The following TMX2 variants were observed in gnomAD, a reference collection of about 807,000 sequenced individuals.
TMX2 encodes thioredoxin related transmembrane protein 2, also known as thioredoxin-related transmembrane protein 2.
Under a neutral mutation model 33.4 loss-of-function variants are expected in TMX2, and 20 were observed. That is an observed-to-expected ratio of 0.60 (90% confidence interval 0.42 to 0.87). TMX2 has a LOEUF of 0.87. Ranked by LOEUF, TMX2 falls within the 40% of genes least tolerant of loss-of-function variation. The probability of loss-of-function intolerance (pLI) is 0.00; values close to 1 mark genes in which losing one functional copy is unlikely to be tolerated. For missense variants in TMX2, 340 were observed against 370.7 expected (o/e 0.92, Z 0.68); for synonymous variants, 166 against 140.7 (o/e 1.18, Z -1.27).
At chr11:57,731,467 A>G (rs928853292) in intron 1 of TMX2, among the ~76,000 whole-genome samples, 7 of 149,076 alleles carry the variant, frequency 4.7e-5, no homozygotes, top group African/African-American at 1.7e-4. Context: ...TGAGACCAAA[A>G]AAATTAAATC....
At chr11:57,714,016 T>C (rs952012465) in intron 1 of TMX2, among the ~76,000 whole-genome samples, 2 of 152,222 alleles carry the variant, frequency 1.3e-5, no homozygotes, top group Non-Finnish European at 2.9e-5. Context: ...AAGGTAGTTA[T>C]CAGAGTAAAG....
intron 1 of TMX2, among the ~76,000 whole-genome samples, chr11:57,716,546 G>T (rs1342505630): frequency 8.0e-6 from 1 of 125,330 alleles, no homozygotes; most frequent in Non-Finnish European, 1.7e-5. Flanking sequence ...CCTCCCGGAC[G>T]GGGCGGCTGG....
chr11:57,715,586 C>CTTTTTTTTTTTTTTTTTTTTTTTTT (rs367827761), intron 1 of TMX2, among the ~76,000 whole-genome samples: 5 of 130,116 alleles, frequency 3.8e-5, no homozygotes, highest in African/African-American at 1.2e-4. Context: ...AATTTGTTTT[C>CTTTTTTTTTTTTTTTTTTTTTTTTT]TTTTTTTTTT....
At chr11:57,716,527 C>T (rs1299538658) in intron 1 of TMX2, among the ~76,000 whole-genome samples, 16 of 123,154 alleles carry the variant, frequency 1.3e-4, no homozygotes, top group African/African-American at 2.2e-4. Context: ...CGGGCAGAGG[C>T]GCCCCTCACC....
intron 7 of TMX2, among the ~76,000 whole-genome samples, chr11:57,739,507 C>T (rs1388369213): frequency 6.6e-6 from 1 of 152,190 alleles, no homozygotes. Flanking sequence ...CCTGTAATCC[C>T]AGCACTTTGG....
At position 57,738,373 on chromosome 11, in the gene TMX2, A is replaced by C. The variant is rs752381182; in HGVS notation, c.384A>C (p.Lys128Asn). The C allele has an allele frequency of 6.2e-6, 10 of 1,609,532 alleles. No individual in the cohort carries two copies. The highest frequency in any genetic ancestry group is 8.5e-6 in the Non-Finnish European group (10 of 1,176,996). The part of the protein sequence containing the change: ...TLCIVFLMTC[K>N]PPLYMGPEYI... ...ATTTAGTGTTCCTGATGACGTGCAA[A>C]CCCCCCCTATATATGGGCCCTGAGT... Residue 128 changes from lysine (K) to asparagine (N), a missense_variant, in exon 4 of 8, where the codon AAA (lysine) becomes AAC (asparagine). By Grantham distance (94) the Lys-to-Asn change is moderately conservative. Transcript: ENST00000278422.
intron 1 of TMX2, among the ~76,000 whole-genome samples, chr11:57,720,670 T>C (rs771408714): frequency 6.6e-6 from 1 of 152,266 alleles, no homozygotes; most frequent in Non-Finnish European, 1.5e-5. Flanking sequence ...AGTGCTGGGA[T>C]TACAGGCGTG....
At chr11:57,734,157 C>CAAAAAAAAA (rs60802364) in intron 1 of TMX2, among the ~76,000 whole-genome samples, 1 of 49,738 alleles carries the variant, frequency 2.0e-5, no homozygotes, top group African/African-American at 6.1e-5. Context: ...ACCCTGTCTC[C>CAAAAAAAAA]AAAAAAAAAA....
intron 4 of TMX2, 77 bp downstream of exon 4, chr11:57,738,507 G>A (rs1565235014): frequency 7.8e-7 from 1 of 1,289,188 alleles, no homozygotes; most frequent in South Asian, 1.2e-5. Flanking sequence ...TTCACTAGGA[G>A]GAACAACAGT....
intron 1 of TMX2, among the ~76,000 whole-genome samples, chr11:57,713,358 T>C (rs1946758454): frequency 6.6e-6 from 1 of 152,140 alleles, no homozygotes; most frequent in Admixed American, 6.6e-5. Context: ...GAGTGTACAC[T>C]CTAGGCACTC....
chr11:57,739,672 G>A (rs536673), intron 7 of TMX2, among the ~76,000 whole-genome samples: 41,623 of 151,822 alleles, frequency 0.27, 6,799 homozygotes, highest in East Asian at 0.79. Flanking sequence ...CAGGAGAATC[G>A]CTTGAACCCG....
intron 1 of TMX2, among the ~76,000 whole-genome samples, chr11:57,736,412 C>G (rs369401237): frequency 1.3e-5 from 2 of 151,598 alleles, no homozygotes; most frequent in African/African-American, 4.9e-5. Context: ...GGACCCCATT[C>G]AAAGCCATCC....
intron 1 of TMX2, among the ~76,000 whole-genome samples, chr11:57,735,434 C>T (rs916986671): frequency 1.3e-5 from 2 of 152,042 alleles, no homozygotes; most frequent in Non-Finnish European, 2.9e-5. Context: ...TGGTCTTGAA[C>T]TTCTAATCTC....
chr11:57,737,755 T>G (rs1443927683), intron 2 of TMX2, 87 bp downstream of exon 2: 1 of 1,566,000 alleles, frequency 6.4e-7, no homozygotes, highest in African/African-American at 1.4e-5. Context: ...TGGCAATCAT[T>G]TGGTAAATTT....
chr11:57,737,923 G>A lies in TMX2; in HGVS notation c.261G>A (p.Glu87=), dbSNP rs1948851369. The change falls in exon 3 of 8, where the codon GAG becomes GAA. Residue 87 remains glutamate, a synonymous_variant. Coordinates refer to ENST00000278422, the MANE Select transcript of TMX2 (RefSeq NM_015959.4). ...MMKNRRSITV[E]QHIGNIFMFS... The stretch of plus-strand genomic sequence containing the variant: ...ATCTCTGTGTTTCAGTCACTGTGGA[G>A]CAACATATAGGCAACATTTTCATGT... 6.2e-7 allele frequency: 1 copy of A among 1,614,012 alleles called. No individual in the cohort carries two copies. Among genetic ancestry groups the A allele is most frequent in the Non-Finnish European group, 8.5e-7 (1 of 1,180,006 alleles).
chr11:57,721,350 T>G lies in TMX2; in HGVS notation c.189+8543T>G, dbSNP rs978690009. Among the ~76,000 whole-genome samples, 705 of 148,824 alleles carry G rather than the reference T, an allele frequency of 4.7e-3. 4 individuals are homozygous for G. The highest frequency in any genetic ancestry group is 0.016 in the African/African-American group (673 of 40,816). On this transcript the variant is annotated intron_variant, in intron 1 of 7. Transcript: ENST00000278422. Reference sequence around the variant, plus strand: ...TATTTAAATAAATAAATAAAGTTTTTTTTTTTTTTTTTTTTGAGATGGAGT... The same window carrying G: ...TATTTAAATAAATAAATAAAGTTTTGTTTTTTTTTTTTTTTGAGATGGAGT...
At chr11:57,717,017 C>T (rs1947151651) in intron 1 of TMX2, among the ~76,000 whole-genome samples, 1 of 149,034 alleles carries the variant, frequency 6.7e-6, no homozygotes, top group Non-Finnish European at 1.5e-5. Flanking sequence ...CTCCTCACCT[C>T]CCAGACGGGG....
chr11:57,733,247 ATTTTTT>A (rs71061537), intron 1 of TMX2, among the ~76,000 whole-genome samples: 1 of 74,890 alleles, frequency 1.3e-5, no homozygotes, highest in African/African-American at 6.0e-5. Context: ...ACAGTGAGGA[ATTTTTT>A]TTTTTTTTTT....
chr11:57,733,985 A>G (rs1948570980), intron 1 of TMX2, among the ~76,000 whole-genome samples: 1 of 151,906 alleles, frequency 6.6e-6, no homozygotes, highest in Non-Finnish European at 1.5e-5. Flanking sequence ...CCTGGCTGAA[A>G]TAATAGAAAC....
Sources: gnomAD v4.1 joint callset for allele counts (sites outside exome capture counted in the v4.1 genomes callset) on GRCh38, gnomAD v4.1.1 for gene constraint, MANE v1.5 for transcripts, NCBI Gene and HGNC (gene_info 2026-07-23, HGNC 2026-07-21) for gene names.